Variants in ASCC3 observed in about 807,000 individuals in gnomAD.
The protein encoded by ASCC3 is activating signal cointegrator 1 complex subunit 3.
A neutral mutation model predicts 256.3 loss-of-function variants in ASCC3; 158 were observed. The ratio of observed to expected loss-of-function variants is 0.62; its 90% CI spans 0.54 to 0.70. The LOEUF (loss-of-function observed/expected upper bound fraction) is 0.70. Ranked by LOEUF, ASCC3 falls within the 30% of genes least tolerant of loss-of-function variation. The pLI is 0.00. For synonymous variants in ASCC3, 948 were observed against 883.4 expected, an observed-to-expected ratio of 1.07 and a Z score of -1.30; for missense variants, 2,259 against 2,626.0, an observed-to-expected ratio of 0.86 and a Z score of 3.05.
intron 16 of ASCC3, among the ~76,000 whole-genome samples, chr6:100,658,733 C>T (rs577553726): frequency 6.6e-6 from 1 of 151,268 alleles, no homozygotes; most frequent in Non-Finnish European, 1.5e-5. Context: ...GTAATTGTAG[C>T]CAGAATTACA....
At chr6:100,521,058 G>A (rs1239352374) in intron 37 of ASCC3, among the ~76,000 whole-genome samples, 2 of 151,972 alleles carry the variant, frequency 1.3e-5, no homozygotes, top group Non-Finnish European at 2.9e-5. Flanking sequence ...AAATAATATA[G>A]GTAAAAATCT....
At chr6:100,729,213 A>T (rs974450100) in intron 10 of ASCC3, among the ~76,000 whole-genome samples, 42 of 152,106 alleles carry the variant, frequency 2.8e-4, no homozygotes, top group Admixed American at 2.8e-3. Flanking sequence ...TAAATAAGAG[A>T]GGGAGAGGAC....
chr6:100,718,092 T>C lies in ASCC3; in HGVS notation c.2062A>G (p.Ile688Val). The C allele has an allele frequency of 6.2e-7, 1 of 1,613,280 alleles. No individual in the cohort carries two copies. Among genetic ancestry groups the C allele is most frequent in the Non-Finnish European group, 8.5e-7 (1 of 1,179,576 alleles). ...PVPLGQTFLGIKCANKMQQLN... is the reference protein window; with the variant it reads ...PVPLGQTFLGVKCANKMQQLN... ...GTATTTACCTTATTTGCACATTTAA[T>C]CCCCAAAAATGTCTGTCCAAGAGGT... The change falls in exon 12 of 42, where the codon ATT (isoleucine) becomes GTT (valine). Residue 688 changes from isoleucine to valine, a missense_variant. Around this residue, in one of 2 missense-constraint regions of ASCC3, gnomAD observed 1,839 missense variants for 2,206.7 expected, o/e 0.83. Coordinates refer to ENST00000369162, the MANE Select transcript of ASCC3 (RefSeq NM_006828.4).
At position 100,676,619 on chromosome 6, in the gene ASCC3, A is replaced by G. The variant is rs1305662834; in HGVS notation, c.2286+2999T>C. 2.6e-5 allele frequency among the ~76,000 whole-genome samples: 4 copies of G among 152,310 alleles called. No individual in the cohort carries two copies. The East Asian group carries it at 7.7e-4, about 29-fold the overall frequency. The stretch of plus-strand genomic sequence containing the variant: ...TTCCCTTGGGGGTGACTTTGATATT[A>G]AAGATCAATATTATATGAGAAGTCC... On this transcript the variant is annotated intron_variant, in intron 14 of 41. Coordinates refer to ENST00000369162, the MANE Select transcript of ASCC3 (RefSeq NM_006828.4).
At chr6:100,635,224 G>A (rs1466962346) in intron 25 of ASCC3, among the ~76,000 whole-genome samples, 2 of 151,454 alleles carry the variant, frequency 1.3e-5, no homozygotes, top group African/African-American at 4.9e-5. Flanking sequence ...TGATATATAT[G>A]TACACACACA....
intron 18 of ASCC3, among the ~76,000 whole-genome samples, chr6:100,652,274 T>C (rs963822048): frequency 1.3e-5 from 2 of 152,082 alleles, no homozygotes; most frequent in African/African-American, 4.8e-5. Flanking sequence ...TGGATGTGAA[T>C]AGGTGATGGA....
At chr6:100,649,918 A>G (rs890948000) in intron 20 of ASCC3, among the ~76,000 whole-genome samples, 2 of 151,566 alleles carry the variant, frequency 1.3e-5, no homozygotes, top group Non-Finnish European at 1.5e-5. Context: ...ATATAAAAAC[A>G]CAAATATTTG....
intron 14 of ASCC3, among the ~76,000 whole-genome samples, chr6:100,667,186 C>T (rs1776517937): frequency 6.6e-6 from 1 of 152,126 alleles, no homozygotes; most frequent in Admixed American, 6.6e-5. Context: ...ATGAATGAAT[C>T]AGTGATCTGA....
At chr6:100,587,073 T>C (rs1210754430) in intron 36 of ASCC3, among the ~76,000 whole-genome samples, 1 of 152,180 alleles carries the variant, frequency 6.6e-6, no homozygotes, top group Non-Finnish European at 1.5e-5. Context: ...CTTTCTTAAG[T>C]ATTATAATAA....
At chr6:100,531,603 T>G (rs1205173495) in intron 37 of ASCC3, among the ~76,000 whole-genome samples, 1 of 152,048 alleles carries the variant, frequency 6.6e-6, no homozygotes, top group Non-Finnish European at 1.5e-5. Context: ...CATGTGTTGT[T>G]GATGTGACTA....
intron 10 of ASCC3, among the ~76,000 whole-genome samples, chr6:100,729,337 G>T (rs936443572): frequency 3.3e-5 from 5 of 152,140 alleles, no homozygotes; most frequent in East Asian, 1.9e-4. Flanking sequence ...TTTATGGAAA[G>T]ATTTCAACTT....
chr6:100,756,523 A>G (rs1025576652), intron 10 of ASCC3, among the ~76,000 whole-genome samples: 4 of 152,140 alleles, frequency 2.6e-5, no homozygotes, highest in African/African-American at 7.2e-5. Flanking sequence ...CCTTCACTCA[A>G]TAAAGTCAAC....
At chr6:100,651,539 T>C in intron 19 of ASCC3, 21 bp downstream of exon 19, 1 of 1,482,550 alleles carries the variant, frequency 6.7e-7, no homozygotes, top group East Asian at 2.3e-5. Context: ...TGCATTTGAT[T>C]CAAATTTCAA....
chr6:100,783,066 T>C (rs1044062188), intron 8 of ASCC3, among the ~76,000 whole-genome samples: 1 of 151,796 alleles, frequency 6.6e-6, no homozygotes, highest in Non-Finnish European at 1.5e-5. Context: ...ACTAAAAACA[T>C]GTCTGATTTA....
intron 13 of ASCC3, among the ~76,000 whole-genome samples, chr6:100,706,448 A>T (rs1009834320): frequency 1.3e-5 from 2 of 151,572 alleles, no homozygotes; most frequent in South Asian, 2.1e-4. Flanking sequence ...GAAAAAAATA[A>T]TCCTTTACGA....
intron 36 of ASCC3, among the ~76,000 whole-genome samples, chr6:100,584,209 T>C (rs1449863286): frequency 8.6e-5 from 13 of 150,404 alleles, no homozygotes; most frequent in Non-Finnish European, 1.3e-4. Flanking sequence ...CCATTATTAA[T>C]GTGTGGGAGT....
At chr6:100,538,381 G>A (rs752778621) in intron 37 of ASCC3, among the ~76,000 whole-genome samples, 12 of 152,004 alleles carry the variant, frequency 7.9e-5, no homozygotes, top group East Asian at 1.9e-4. Context: ...GTGTAAAAAC[G>A]TGTTACATGT....
At position 100,509,389 on chromosome 6, in the gene ASCC3, C is replaced by T. The variant is rs778344939; in HGVS notation, c.6606G>A (p.Lys2202=). Residue 2202 remains lysine (K), a synonymous_variant, in exon 42 of 42, where the codon AAG becomes AAA. Transcript: ENST00000369162. ...CAAATGGATTGTTCAGGTCAAGTTA[C>T]TTTAATGCCAGGTCAGTCAGGGAAT... ...VSDSLTDLAL[K] 1 of 1,614,140 alleles carries T rather than the reference C, an allele frequency of 6.2e-7. No individual in the cohort carries two copies. Among genetic ancestry groups the T allele is most frequent in the Non-Finnish European group, 8.5e-7 (1 of 1,180,002 alleles).
At chr6:100,584,243 A>G (rs1418833443) in intron 36 of ASCC3, among the ~76,000 whole-genome samples, 1 of 151,444 alleles carries the variant, frequency 6.6e-6, no homozygotes, top group Non-Finnish European at 1.5e-5. Context: ...TAGGTCACTC[A>G]GGACTTGCCT....
Sources: allele counts gnomAD v4.1 joint callset (sites outside exome capture counted in the v4.1 genomes callset), GRCh38; gene constraint gnomAD v4.1.1; regional missense constraint gnomAD v4.1.1; transcripts MANE v1.5; gene names NCBI Gene and HGNC (gene_info 2026-07-23, HGNC 2026-07-21).